Variants in IGDCC3 observed in about 807,000 individuals in gnomAD.
IGDCC3 encodes immunoglobulin superfamily DCC subclass member 3.
In IGDCC3, 47 loss-of-function variants were observed where a neutral mutation model predicts 72.0. The ratio of observed to expected loss-of-function variants is 0.65; its 90% CI spans 0.52 to 0.83. The LOEUF is 0.83. Ranked by LOEUF, IGDCC3 falls within the 40% of genes least tolerant of loss-of-function variation. The pLI is 0.00. For synonymous variants in IGDCC3, 477 were observed against 472.8 expected (o/e 1.01, Z -0.11); for missense variants, 1,038 against 1,091.3 (o/e 0.95, Z 0.69).
At chr15:65,334,269 G>T (rs1269916071) in intron 5 of IGDCC3, among the ~76,000 whole-genome samples, 2 of 152,138 alleles carry the variant, frequency 1.3e-5, no homozygotes, top group African/African-American at 2.4e-5. Context: ...TAGGCTGGGG[G>T]ACTTAGGGGG....
In IGDCC3 at chr15:65,329,014, C is replaced by T. The variant is rs1275430310; in HGVS notation, c.2340G>A (p.Ala780=). 19 of 1,611,860 alleles carry T rather than the reference C, an allele frequency of 1.2e-5. No individual in the cohort carries two copies. Among genetic ancestry groups the T allele is most frequent in the Middle Eastern group, 1.7e-4 (1 of 6,060 alleles). ...TEATAPCAGL[A]AAPPPPDGGP... ...CTCCATCTGGGGGTGGTGGGGCAGC[C>T]GCCAGGCCGGCGCAGGGAGCCGTGG... Residue 780 remains alanine, a synonymous_variant, in exon 14 of 14, where the codon GCG becomes GCA. Coordinates refer to ENST00000327987, the MANE Select transcript of IGDCC3 (RefSeq NM_004884.4). This position sits in a 1 kb window ranked among gnomAD's most constrained non-coding sequence, Gnocchi z 4.1.
At chr15:65,358,279 G>A (rs1416444681) in intron 2 of IGDCC3, among the ~76,000 whole-genome samples, 12 of 151,702 alleles carry the variant, frequency 7.9e-5, no homozygotes. Flanking sequence ...CTAATTTTTT[G>A]TATTTCGGTA....
At chr15:65,367,638 A>C (rs2140169299) in intron 2 of IGDCC3, among the ~76,000 whole-genome samples, 1 of 151,726 alleles carries the variant, frequency 6.6e-6, no homozygotes, top group African/African-American at 2.4e-5. Context: ...CCCGCTGGCC[A>C]CTCTCCACCC....
At chr15:65,331,915 C>T (rs1166459213) in intron 7 of IGDCC3, 26 bp downstream of exon 7, 64 of 1,601,548 alleles carry the variant, frequency 4.0e-5, no homozygotes, top group Non-Finnish European at 5.5e-5. Context: ...CCCTGGTCCT[C>T]ACCCCAGCAC....
rs1380366226 is a variant in IGDCC3, at chr15:65,370,660, TTAA to T, written c.409+4434_409+4436del. Among the ~76,000 whole-genome samples the T allele has an allele frequency of 8.5e-5, 12 of 140,450 alleles. 1 individual carries two copies. Among genetic ancestry groups the T allele is most frequent in the Admixed American group, 6.6e-4 (9 of 13,672 alleles). 92.1% of individuals were successfully genotyped at this position (140,450 alleles called of 152,430 possible). ...TATATATATATATAAAATTAGTACC[TTAA>T]TAATAGTTAAGGAATGCTGCCTTTG... On this transcript the variant is annotated intron_variant, in intron 2 of 13. Coordinates refer to ENST00000327987, the MANE Select transcript of IGDCC3 (RefSeq NM_004884.4).
Position 65,334,850 on chromosome 15 carries a change from GC to G in IGDCC3, c.700del (p.Ala234ProfsTer16). ...CACGAGGATGGCTGGCTCCTTGTAG[GC>G]CCCAGAGCCCGAGCCTGGGAGGAAG... ...RLTVSGSGSG[A>X]YKEPAILVGP... is the part of the protein sequence containing the mutation. On this transcript the variant is annotated frameshift_variant, in exon 5 of 14. Transcript: ENST00000327987. LOFTEE classifies it high-confidence loss of function. 6.8e-6 allele frequency: 11 copies of G among 1,612,328 alleles called. No homozygotes were observed. The highest frequency in any genetic ancestry group is 9.3e-6 in the Non-Finnish European group (11 of 1,179,358).
Position 65,338,315 on chromosome 15 carries a change from G to A in IGDCC3, c.410-2359C>T, listed in dbSNP as rs529889432. ...TTCTGCTAAACATTTAATTTGAAGG[G>A]TAGCTTTGCCTTTAAGAGTAATTGA... On this transcript the variant is annotated intron_variant, in intron 2 of 13. Coordinates refer to ENST00000327987, the MANE Select transcript of IGDCC3 (RefSeq NM_004884.4). 1.9e-3 allele frequency among the ~76,000 whole-genome samples: 292 copies of A among 152,318 alleles called. 1 individual carries two copies. Among genetic ancestry groups the A allele is most frequent in the African/African-American group, 6.3e-3 (260 of 41,556 alleles).
intron 5 of IGDCC3, among the ~76,000 whole-genome samples, chr15:65,334,040 T>TC (rs2091003286): frequency 7.3e-6 from 1 of 136,778 alleles, no homozygotes; most frequent in African/African-American, 2.8e-5. Context: ...AGGAGACAGC[T>TC]CCCCATTCAG....
At chr15:65,374,757 C>T (rs1040071896) in intron 2 of IGDCC3, among the ~76,000 whole-genome samples, 5 of 152,180 alleles carry the variant, frequency 3.3e-5, no homozygotes, top group African/African-American at 9.7e-5. Context: ...TATCTTTATA[C>T]ACAAGAATCA....
At chr15:65,344,249 G>C (rs1325127824) in intron 2 of IGDCC3, among the ~76,000 whole-genome samples, 2 of 152,032 alleles carry the variant, frequency 1.3e-5, no homozygotes, top group African/African-American at 2.4e-5. Context: ...GCTTCACTGG[G>C]GGTGACTGAC....
intron 2 of IGDCC3, among the ~76,000 whole-genome samples, chr15:65,340,481 C>G (rs1000039593): frequency 2.0e-5 from 3 of 152,190 alleles, no homozygotes; most frequent in Non-Finnish European, 4.4e-5. Flanking sequence ...CTGTCCCCAC[C>G]TCATACAGCC....
chr15:65,333,779 TA>T (rs2091000418), intron 5 of IGDCC3, among the ~76,000 whole-genome samples: 1 of 152,228 alleles, frequency 6.6e-6, no homozygotes, highest in South Asian at 2.1e-4. Context: ...GCCTGGATGG[TA>T]AGTCACATCA....
chr15:65,365,114 A>G (rs548246794), intron 2 of IGDCC3, among the ~76,000 whole-genome samples: 1 of 152,302 alleles, frequency 6.6e-6, no homozygotes, highest in African/African-American at 2.4e-5. Context: ...CTGTAAAATG[A>G]GAAAGCTGGG....
intron 2 of IGDCC3, among the ~76,000 whole-genome samples, chr15:65,369,811 T>G (rs2091312199): frequency 6.6e-6 from 1 of 152,172 alleles, no homozygotes; most frequent in East Asian, 1.9e-4. Flanking sequence ...CAGGGCACCC[T>G]AAATACCAGG....
chr15:65,368,164 AC>A (rs1567072204), intron 2 of IGDCC3, among the ~76,000 whole-genome samples: 5 of 28,790 alleles, frequency 1.7e-4, no homozygotes, highest in African/African-American at 3.1e-4. Context: ...TTTCACTCAC[AC>A]ACACACACAC....
Position 65,368,783 on chromosome 15 carries a change from A to G in IGDCC3, c.409+6314T>C, listed in dbSNP as rs2140170374. ...CAGGATCCTGCCCCGCGTGCATTAT[A>G]TTCCCCTGCCCATCCTCCCCGTTCA... On this transcript the variant is annotated intron_variant, in intron 2 of 13. Coordinates refer to ENST00000327987, the MANE Select transcript of IGDCC3 (RefSeq NM_004884.4). 2.0e-5 allele frequency among the ~76,000 whole-genome samples: 3 copies of G among 152,154 alleles called. No homozygotes were observed. The Middle Eastern group carries it at 0.01, about 518-fold the overall frequency.
At chr15:65,330,224 T>C (rs2090963742) in intron 11 of IGDCC3, 69 bp downstream of exon 11, 3 of 1,123,948 alleles carry the variant, frequency 2.7e-6, no homozygotes, top group Non-Finnish European at 4.0e-6. Flanking sequence ...GCGTGGCACA[T>C]GCTATCTCAC....
chr15:65,375,154 C>T lies in IGDCC3; in HGVS notation c.352G>A (p.Val118Met). 1.1e-5 allele frequency: 17 copies of T among 1,614,192 alleles called. No individual in the cohort carries two copies. Among genetic ancestry groups the T allele is most frequent in the Non-Finnish European group, 1.4e-5 (17 of 1,180,044 alleles). Reference sequence around the variant, plus strand: ...ACCAGCCCAAAGCGGTTCTGGGCCACACACTCATAGTCACCTTCATCCGAA... The same window carrying T: ...ACCAGCCCAAAGCGGTTCTGGGCCATACACTCATAGTCACCTTCATCCGAA... ...SPSDEGDYEC[V>M]AQNRFGLVVS... Residue 118 changes from valine (V) to methionine (M), a missense_variant, in exon 2 of 14, where the codon GTG becomes ATG. Val to Met is a conservative substitution (Grantham distance 21). Transcript: ENST00000327987.
rs750095944 is a variant in IGDCC3, at chr15:65,334,784, A to T, written c.767T>A (p.Val256Glu). Residue 256 changes from valine to glutamate, a missense_variant, in exon 5 of 14, where the codon GTG (valine) becomes GAG (glutamate). Val to Glu is a moderately radical substitution (Grantham distance 121, BLOSUM62 -2). Coordinates refer to ENST00000327987, the MANE Select transcript of IGDCC3 (RefSeq NM_004884.4). Reference sequence around the variant, plus strand: ...GTTGCCCGTGGCGACACACTCAAGCACCGCGGTCTGGTGCACTGTCAGGGT... The same window carrying T: ...GTTGCCCGTGGCGACACACTCAAGCTCCGCGGTCTGGTGCACTGTCAGGGT... ...NLTLTVHQTAVLECVATGNPR... is the reference protein window; with the variant it reads ...NLTLTVHQTAELECVATGNPR... 2.5e-6 allele frequency: 4 copies of T among 1,610,126 alleles called. No homozygotes were observed. The highest frequency in any genetic ancestry group is 3.4e-6 in the Non-Finnish European group (4 of 1,178,370).
Sources: gnomAD v4.1 joint callset for allele counts (sites outside exome capture counted in the v4.1 genomes callset) on GRCh38, gnomAD v4.1.1 for gene constraint, Gnocchi (gnomAD v3.1) non-coding constraint, MANE v1.5 for transcripts, NCBI Gene and HGNC (gene_info 2026-07-23, HGNC 2026-07-21) for gene names.